Variants in GUCY1A2 observed in about 807,000 individuals in gnomAD.
GUCY1A2 encodes guanylate cyclase soluble subunit alpha-2.
GUCY1A2 carries 27 observed loss-of-function variants against 63.5 expected under a neutral mutation model. The ratio of observed to expected loss-of-function variants is 0.43; its 90% confidence interval spans 0.31 to 0.59. The LOEUF is 0.59. Ranked by LOEUF, GUCY1A2 falls within the 20% of genes least tolerant of loss-of-function variation. The probability of loss-of-function intolerance (pLI) is 0.11; values close to 1 mark genes in which losing one functional copy is unlikely to be tolerated. For synonymous variants in GUCY1A2, 364 were observed against 343.5 expected (o/e 1.06, Z -0.66); for missense variants, 768 against 913.3 (o/e 0.84, Z 2.05).
At chr11:106,826,994 C>G in intron 4 of GUCY1A2, 2 of 1,610,432 alleles carry the variant, frequency 1.2e-6, no homozygotes, top group Non-Finnish European at 1.7e-6. Flanking sequence ...TTGGTCAATT[C>G]CACATAGACA....
intron 4 of GUCY1A2, among the ~76,000 whole-genome samples, chr11:106,901,612 T>C (rs1860134003): frequency 2.0e-5 from 3 of 152,138 alleles, no homozygotes; most frequent in Admixed American, 1.3e-4. Flanking sequence ...TCATTTACAT[T>C]AGGTATATCT....
chr11:106,767,550 T>G (rs1257550600), intron 6 of GUCY1A2, among the ~76,000 whole-genome samples: 1 of 152,130 alleles, frequency 6.6e-6, no homozygotes, highest in Non-Finnish European at 1.5e-5. Flanking sequence ...ATGATTAAAA[T>G]TCTGTGATTA....
chr11:106,775,562 T>A (rs1013640935), intron 6 of GUCY1A2, among the ~76,000 whole-genome samples: 7 of 152,128 alleles, frequency 4.6e-5, no homozygotes, highest in Non-Finnish European at 7.3e-5. Flanking sequence ...AATAGTTTTT[T>A]AAAAATATTT....
intron 4 of GUCY1A2, among the ~76,000 whole-genome samples, chr11:106,864,807 A>G (rs367927352): frequency 6.6e-6 from 1 of 152,054 alleles, no homozygotes; most frequent in South Asian, 2.1e-4. Context: ...GTGCTGCTGG[A>G]TTCGGTTTGC....
intron 4 of GUCY1A2, among the ~76,000 whole-genome samples, chr11:106,930,791 G>A (rs530856934): frequency 3.9e-5 from 6 of 152,246 alleles, no homozygotes; most frequent in Admixed American, 1.3e-4. Flanking sequence ...AAAGTACTTC[G>A]GGGCTGGACA....
intron 3 of GUCY1A2, among the ~76,000 whole-genome samples, chr11:106,964,739 G>C (rs1181999498): frequency 6.6e-6 from 1 of 152,146 alleles, no homozygotes; most frequent in East Asian, 1.9e-4. Flanking sequence ...CAGCACTTTG[G>C]GAGGCCAAGG....
intron 4 of GUCY1A2, among the ~76,000 whole-genome samples, chr11:106,879,689 T>C (rs570241125): frequency 6.6e-6 from 1 of 152,200 alleles, no homozygotes; most frequent in Admixed American, 6.6e-5. Context: ...CTTTCCTCTG[T>C]TTCCATTGCC....
At chr11:106,897,854 C>G (rs1028220498) in intron 4 of GUCY1A2, among the ~76,000 whole-genome samples, 8 of 151,808 alleles carry the variant, frequency 5.3e-5, no homozygotes, top group African/African-American at 1.9e-4. Context: ...AATTGATGAA[C>G]TTGACTTCAT....
rs531738743 is a variant in GUCY1A2, at chr11:106,987,115, A to G, written c.304-984T>C. On this transcript the variant is annotated intron_variant, in intron 1 of 7. Coordinates refer to ENST00000526355, the MANE Select transcript of GUCY1A2 (RefSeq NM_000855.3). ...CAAAAACCTGTAGTCAATTAAGCAG[A>G]AAAAAAGCACTCAAGGCCTCATCAA... Among the ~76,000 whole-genome samples, 12 of 151,560 alleles carry G rather than the reference A, an allele frequency of 7.9e-5. No individual in the cohort carries two copies. In the East Asian group the frequency reaches 9.6e-4, roughly 12 times the overall value.
chr11:106,933,196 C>T (rs537428444), intron 4 of GUCY1A2, among the ~76,000 whole-genome samples: 50 of 152,072 alleles, frequency 3.3e-4, no homozygotes, highest in Admixed American at 2.8e-3. Flanking sequence ...AGAAAATATT[C>T]ATAAACTATG....
At chr11:106,958,550 T>C (rs1037240098) in intron 3 of GUCY1A2, among the ~76,000 whole-genome samples, 1 of 152,102 alleles carries the variant, frequency 6.6e-6, no homozygotes, top group African/African-American at 2.4e-5. Context: ...TTTCTCATCT[T>C]GTATTTTTCA....
intron 7 of GUCY1A2, among the ~76,000 whole-genome samples, chr11:106,691,635 G>T (rs1274079075): frequency 6.6e-6 from 1 of 152,158 alleles, no homozygotes; most frequent in African/African-American, 2.4e-5. Flanking sequence ...ATAATTCACT[G>T]CACATTGGCT....
chr11:106,971,532 G>C (rs1273912993), intron 3 of GUCY1A2, among the ~76,000 whole-genome samples: 1 of 152,074 alleles, frequency 6.6e-6, no homozygotes, highest in Admixed American at 6.6e-5. Flanking sequence ...TAAATGGATG[G>C]CTAAAGGGAG....
intron 4 of GUCY1A2, among the ~76,000 whole-genome samples, chr11:106,890,691 C>T (rs1027030289): frequency 6.6e-6 from 1 of 152,210 alleles, no homozygotes; most frequent in Non-Finnish European, 1.5e-5. Context: ...CACACAACCA[C>T]CTCGGATATA....
intron 6 of GUCY1A2, among the ~76,000 whole-genome samples, chr11:106,727,821 T>C (rs1863433491): frequency 6.6e-6 from 1 of 152,196 alleles, no homozygotes; most frequent in African/African-American, 2.4e-5. Context: ...TTTCCTCCTC[T>C]TACCTGGCCA....
intron 6 of GUCY1A2, among the ~76,000 whole-genome samples, chr11:106,728,405 A>G (rs1224873441): frequency 6.6e-6 from 1 of 152,278 alleles, no homozygotes; most frequent in East Asian, 1.9e-4. Context: ...GACTCTGACA[A>G]TTCTCCTGAA....
At chr11:106,798,468 G>T (rs2135417091) in intron 5 of GUCY1A2, among the ~76,000 whole-genome samples, 1 of 152,180 alleles carries the variant, frequency 6.6e-6, no homozygotes. Context: ...CAAAAAAAGA[G>T]AATTTTAGAC....
intron 4 of GUCY1A2, among the ~76,000 whole-genome samples, chr11:106,864,254 TTCTC>T (rs1386115218): frequency 6.6e-6 from 1 of 151,978 alleles, no homozygotes; most frequent in Non-Finnish European, 1.5e-5. Context: ...CAGACTTGAA[TTCTC>T]TCTACCCAGG....
intron 2 of GUCY1A2, among the ~76,000 whole-genome samples, chr11:106,983,508 T>C (rs577457274): frequency 2.5e-4 from 38 of 152,302 alleles, no homozygotes; most frequent in African/African-American, 9.1e-4. Context: ...AGAGAGTTTC[T>C]ATGGGCAACC....
Sources: gnomAD v4.1 joint callset for allele counts (sites outside exome capture counted in the v4.1 genomes callset) on GRCh38, gnomAD v4.1.1 for gene constraint, MANE v1.5 for transcripts, NCBI Gene and HGNC (gene_info 2026-07-23, HGNC 2026-07-21) for gene names.